DNAAF10: variants seen among roughly 807,000 people sequenced by gnomAD.
DNAAF10 encodes the protein WD repeat domain 92.
In DNAAF10, 28 loss-of-function variants were observed where a neutral mutation model predicts 43.7. The ratio of observed to expected loss-of-function variants is 0.64; its 90% CI spans 0.48 to 0.88. The LOEUF (loss-of-function observed/expected upper bound fraction) is 0.88. Ranked by LOEUF, DNAAF10 falls within the 40% of genes least tolerant of loss-of-function variation. The pLI is 0.00. For synonymous variants in DNAAF10, 156 were observed against 157.3 expected (o/e 0.99, Z 0.06); for missense variants, 403 against 439.1 (o/e 0.92, Z 0.73).
At position 68,131,315 on chromosome 2, in the gene DNAAF10, T is replaced by C; in HGVS notation, c.997A>G (p.Lys333Glu). Residue 333 changes from lysine to glutamate, a missense_variant, in exon 8 of 8, where the codon AAA (lysine) becomes GAA (glutamate). By Grantham distance (56) the Lys-to-Glu change is moderately conservative. Transcript: ENST00000295121. The part of the protein sequence containing the change: ...PISSLDWSPD[K>E]RGLCVCSSFD... ...GAACTACAGACGCAGAGACCCCTTTTATCTGGACTCCAATCCAAACTTGAA... is the reference window on the plus strand; with the variant it reads ...GAACTACAGACGCAGAGACCCCTTTCATCTGGACTCCAATCCAAACTTGAA... 1 of 1,614,128 alleles carries C rather than the reference T, an allele frequency of 6.2e-7. No individual in the cohort carries two copies. Among genetic ancestry groups the C allele is most frequent in the Non-Finnish European group, 8.5e-7 (1 of 1,180,014 alleles).
intron 7 of DNAAF10, chr2:68,134,461 G>A (rs1419718424): frequency 8.6e-6 from 11 of 1,277,414 alleles, no homozygotes; most frequent in Non-Finnish European, 1.1e-5. Flanking sequence ...TTCATACTTA[G>A]AAGACACAAC....
intron 1 of DNAAF10, among the ~76,000 whole-genome samples, chr2:68,148,065 T>C (rs1169681143): frequency 6.6e-6 from 1 of 152,248 alleles, no homozygotes. Context: ...AAGGCGCTAC[T>C]ATTAGTATGG....
intron 7 of DNAAF10, 29 bp from the exon 8 acceptor site, chr2:68,131,474 G>A (rs532596938): frequency 2.3e-5 from 37 of 1,597,844 alleles, no homozygotes; most frequent in Admixed American, 1.0e-4. Context: ...TGGTAAGAGC[G>A]CATAAATCTT....
At position 68,141,815 on chromosome 2, in the gene DNAAF10, G is replaced by C; in HGVS notation, c.416-20C>G. 1 of 1,604,702 alleles carries C rather than the reference G, an allele frequency of 6.2e-7. No homozygotes were observed. ...CAGTTCCTGCCATGCATAAAAGTGAGTTGGCAAAAATTCAAAAGTAAATGA... is the reference window on the plus strand; with the variant it reads ...CAGTTCCTGCCATGCATAAAAGTGACTTGGCAAAAATTCAAAAGTAAATGA... On this transcript the variant is annotated intron_variant, in intron 3 of 7. Transcript: ENST00000295121.
chr2:68,134,728 G>A lies in DNAAF10; in HGVS notation c.840C>T (p.Gly280=), dbSNP rs768712554. 22 of 1,608,024 alleles carry A rather than the reference G, an allele frequency of 1.4e-5. No homozygotes were observed. The highest frequency in any genetic ancestry group is 3.3e-4 in the Middle Eastern group (2 of 6,034). ...ACTTCCAGAGGTGAAGGCCGCCGGC[G>A]CCTCCAGCTGTCAGAAAGAGCTCCC... The part of the protein sequence containing the change: ...QNRELFLTAG[G]AGGLHLWKYE... Residue 280 remains glycine (G), a synonymous_variant, in exon 7 of 8, where the codon GGC becomes GGT. Transcript: ENST00000295121.
intron 6 of DNAAF10, 100 bp from the exon 7 acceptor site, chr2:68,134,899 G>A: frequency 7.7e-7 from 1 of 1,303,490 alleles, no homozygotes; most frequent in Non-Finnish European, 1.1e-6. Context: ...AATTTCAATG[G>A]TTATAAAAGT....
intron 7 of DNAAF10, 183 bp downstream of exon 7, chr2:68,134,516 TCTA>T: frequency 7.0e-7 from 1 of 1,430,320 alleles, no homozygotes; most frequent in Non-Finnish European, 9.1e-7. Context: ...TAGTGTACAC[TCTA>T]CTAAGTGTAA....
rs796236830 is a variant in DNAAF10 at position 68,141,869 on chromosome 2, A to G, written c.416-74T>C. The G allele has an allele frequency of 1.9e-5, 24 of 1,252,896 alleles. No individual in the cohort carries two copies. In the African/African-American group the frequency reaches 3.3e-4, roughly 17 times the overall value. 77.6% of individuals were successfully genotyped at this position (1,252,896 alleles called of 1,614,324 possible). On this transcript the variant is annotated intron_variant, in intron 3 of 7. Coordinates refer to ENST00000295121, the MANE Select transcript of DNAAF10 (RefSeq NM_138458.4). Reference sequence around the variant, plus strand: ...TGTTTCTTTTCTACATTCTTCTTCTATGGCTTCCTGTGTACATGGCAATAT... The same window carrying G: ...TGTTTCTTTTCTACATTCTTCTTCTGTGGCTTCCTGTGTACATGGCAATAT...
intron 4 of DNAAF10, among the ~76,000 whole-genome samples, chr2:68,139,759 G>A (rs889877887): frequency 2.0e-5 from 3 of 150,890 alleles, no homozygotes; most frequent in Admixed American, 6.6e-5. Context: ...AACCAAGATC[G>A]CGCCAATGCA....
chr2:68,154,409 G>A (rs1286837053), intron 1 of DNAAF10, among the ~76,000 whole-genome samples: 1 of 151,874 alleles, frequency 6.6e-6, no homozygotes, highest in Non-Finnish European at 1.5e-5. Context: ...ACCACGCCCG[G>A]CTGATTTTTT....
chr2:68,157,110 A>AT (rs1012869841), intron 1 of DNAAF10, 151 bp downstream of exon 1: 24 of 1,071,632 alleles, frequency 2.2e-5, no homozygotes, highest in Non-Finnish European at 2.9e-5. Flanking sequence ...AATAGGAAAC[A>AT]TTCCTCAGTC....
At chr2:68,149,636 C>G (rs902609721) in intron 1 of DNAAF10, among the ~76,000 whole-genome samples, 1 of 152,180 alleles carries the variant, frequency 6.6e-6, no homozygotes, top group African/African-American at 2.4e-5. Flanking sequence ...CCTCACCATT[C>G]CCCTCTCCTC....
At chr2:68,141,048 G>A (rs62145933) in intron 4 of DNAAF10, among the ~76,000 whole-genome samples, 62,166 of 151,864 alleles carry the variant, frequency 0.41, 13,052 homozygotes, top group South Asian at 0.62. Flanking sequence ...CTCCAACACT[G>A]GGGATTACAA....
intron 7 of DNAAF10, chr2:68,131,745 C>A: frequency 3.7e-6 from 1 of 271,850 alleles, no homozygotes; most frequent in South Asian, 5.4e-5. Flanking sequence ...ATCTAGGATT[C>A]TTTAATACAT....
At chr2:68,137,637 G>T (rs1024460263) in intron 5 of DNAAF10, among the ~76,000 whole-genome samples, 12 of 152,142 alleles carry the variant, frequency 7.9e-5, no homozygotes, top group African/African-American at 2.9e-4. Context: ...GGGAGGCCAA[G>T]GCAGGTGGAT....
At chr2:68,148,305 C>T (rs752958315) in intron 1 of DNAAF10, among the ~76,000 whole-genome samples, 14 of 152,132 alleles carry the variant, frequency 9.2e-5, no homozygotes, top group Non-Finnish European at 5.9e-5. Flanking sequence ...ATTTGCCGAA[C>T]TCATACAACA....
chr2:68,144,590 C>T lies in DNAAF10; in HGVS notation c.410G>A (p.Arg137Gln), dbSNP rs370123273. The T allele has an allele frequency of 1.9e-6, 3 of 1,613,696 alleles. No individual in the cohort carries two copies. The highest frequency in any genetic ancestry group is 2.5e-6 in the Non-Finnish European group (3 of 1,179,920). Residue 137 changes from arginine to glutamine, a missense_variant, in exon 3 of 8, where the codon CGA becomes CAA. Transcript: ENST00000295121. Reference sequence around the variant, plus strand: ...CATAGAATACAGGGACTCACCATCTCGGCTGCCAGTCACAATTTCAGGTGC... The same window carrying T: ...CATAGAATACAGGGACTCACCATCTTGGCTGCCAGTCACAATTTCAGGTGC... The part of the protein sequence containing the change: ...EGAPEIVTGS[R>Q]DGTVKVWDPR...
At chr2:68,143,969 T>C (rs1673252132) in intron 3 of DNAAF10, among the ~76,000 whole-genome samples, 1 of 152,188 alleles carries the variant, frequency 6.6e-6, no homozygotes, top group African/African-American at 2.4e-5. Context: ...GAGCGGCCAT[T>C]AAACAACTAG....
intron 5 of DNAAF10, among the ~76,000 whole-genome samples, chr2:68,138,130 G>T (rs769103690): frequency 2.7e-5 from 4 of 146,210 alleles, no homozygotes; most frequent in African/African-American, 1.0e-4. Context: ...AGCCAACATC[G>T]CGCCACTGCA....
Sources: gnomAD v4.1 joint callset for allele counts (sites outside exome capture counted in the v4.1 genomes callset) on GRCh38, gnomAD v4.1.1 for gene constraint, MANE v1.5 for transcripts, NCBI Gene and HGNC (gene_info 2026-07-23, HGNC 2026-07-21) for gene names.